The following OR6C74 variants were observed in gnomAD, a reference collection of about 807,000 sequenced individuals.
The protein encoded by OR6C74 is olfactory receptor family 6 subfamily C member 74, also known as olfactory receptor 6C74.
For synonymous variants in OR6C74, 142 were observed against 134.2 expected (o/e 1.06, Z -0.40); for missense variants, 361 against 362.9 (o/e 0.99, Z 0.04).
In OR6C74 at chr12:55,253,610, C is replaced by T. The variant is rs1177227821; in HGVS notation, c.*5384C>T. ...AGGAAAATGTCTCTGACTCCAATTT[C>T]TTCCACTCTTATAAGTAAACACACT... On this transcript the variant is annotated 3_prime_UTR_variant, in exon 2 of 2. Coordinates refer to ENST00000343399, the MANE Select transcript of OR6C74 (RefSeq NM_001005490.2). 6.6e-6 allele frequency among the ~76,000 whole-genome samples: 1 copy of T among 152,094 alleles called. No individual in the cohort carries two copies. The highest frequency in any genetic ancestry group is 1.5e-5 in the Non-Finnish European group (1 of 67,980).
At position 55,253,139 on chromosome 12, in the gene OR6C74, T is replaced by C. The variant is rs1954321885; in HGVS notation, c.*4913T>C. Among the ~76,000 whole-genome samples the C allele has an allele frequency of 6.6e-6, 1 of 152,114 alleles. No individual in the cohort carries two copies. The highest frequency in any genetic ancestry group is 2.4e-5 in the African/African-American group (1 of 41,454). The stretch of plus-strand genomic sequence containing the variant: ...ATTTGCAGGTTGTGCCAATAAATTC[T>C]TGTATTATCTATTAATCCATAAACA... On this transcript the variant is annotated 3_prime_UTR_variant, in exon 2 of 2. Coordinates refer to ENST00000343399, the MANE Select transcript of OR6C74 (RefSeq NM_001005490.2).
At position 55,247,797 on chromosome 12, in the gene OR6C74, C is replaced by T. The variant is rs761698530; in HGVS notation, c.510C>T (p.Asn170=). The change falls in exon 2 of 2, where the codon AAC becomes AAT. Residue 170 remains asparagine, a synonymous_variant. Transcript: ENST00000343399. ...MGLQLDFCAA[N]TVDHFFCDVS... The stretch of plus-strand genomic sequence containing the variant: ...TCCAGCTTGATTTCTGTGCAGCCAA[C>T]ACTGTAGATCATTTCTTCTGTGATG... The T allele has an allele frequency of 6.2e-7, 1 of 1,613,900 alleles. No individual in the cohort carries two copies. Among genetic ancestry groups the T allele is most frequent in the African/African-American group, 1.3e-5 (1 of 74,894 alleles).
At position 55,247,308 on chromosome 12, in the gene OR6C74, A is replaced by T. The variant is rs1262602219; in HGVS notation, c.21A>T (p.Val7=). 1.2e-6 allele frequency: 2 copies of T among 1,602,260 alleles called. No individual in the cohort carries two copies. The highest frequency in any genetic ancestry group is 8.5e-7 in the Non-Finnish European group (1 of 1,171,674). The change falls in exon 2 of 2, where the codon GTA becomes GTT. Residue 7 remains valine (V), a synonymous_variant. Transcript: ENST00000343399. The part of the protein sequence containing the change: MRNHTT[V]ANFILLGLTD... ...CAACTATGAGAAACCATACAACAGTAGCAAACTTTATTCTTCTTGGACTGA... is the reference window on the plus strand; with the variant it reads ...CAACTATGAGAAACCATACAACAGTTGCAAACTTTATTCTTCTTGGACTGA...
rs1355059767 is a variant in OR6C74, at chr12:55,254,584, A to G, written c.*6358A>G. ...TATTTAGGACAGTCATGGGAACTTC[A>G]TGATTTGCTGATTATTGTATAATTC... On this transcript the variant is annotated 3_prime_UTR_variant, in exon 2 of 2. Transcript: ENST00000343399. Among the ~76,000 whole-genome samples the G allele has an allele frequency of 6.6e-6, 1 of 152,152 alleles. No individual in the cohort carries two copies. Among genetic ancestry groups the G allele is most frequent in the African/African-American group, 2.4e-5 (1 of 41,454 alleles).
At chr12:55,246,742 T>C (rs1003646641) in intron 1 of OR6C74, among the ~76,000 whole-genome samples, 1 of 152,152 alleles carries the variant, frequency 6.6e-6, no homozygotes, top group Non-Finnish European at 1.5e-5. Context: ...GGAGAGTTTT[T>C]AGAAGTTTGG....
Position 55,248,242 on chromosome 12 carries a change from T to C in OR6C74, c.*16T>C, listed in dbSNP as rs779594407. 8 of 1,470,008 alleles carry C rather than the reference T, an allele frequency of 5.4e-6. No homozygotes were observed. Among genetic ancestry groups the C allele is most frequent in the Non-Finnish European group, 7.5e-6 (8 of 1,065,550 alleles). The allele number at this position is 1,470,008 out of a possible 1,614,324, so 91.1% of individuals were successfully genotyped here. On this transcript the variant is annotated 3_prime_UTR_variant, in exon 2 of 2. Transcript: ENST00000343399. The stretch of plus-strand genomic sequence containing the variant: ...AATGAAATGAATCACTTTAACGATA[T>C]TATTAAGGTTATTAGTAAAATAAAA...
rs1419437352 is a variant in OR6C74 at position 55,250,191 on chromosome 12, C to G, written c.*1965C>G. Reference sequence around the variant, plus strand: ...TCTTCTCCACAATTTAAGTTGTTGCCAAATGCAAATATGTAACATATTTAT... The same window carrying G: ...TCTTCTCCACAATTTAAGTTGTTGCGAAATGCAAATATGTAACATATTTAT... On this transcript the variant is annotated 3_prime_UTR_variant, in exon 2 of 2. Coordinates refer to ENST00000343399, the MANE Select transcript of OR6C74 (RefSeq NM_001005490.2). Among the ~76,000 whole-genome samples the G allele has an allele frequency of 6.6e-6, 1 of 152,022 alleles. No individual in the cohort carries two copies. The highest frequency in any genetic ancestry group is 2.4e-5 in the African/African-American group (1 of 41,408).
rs746547841 is a variant in OR6C74 at position 55,247,399 on chromosome 12, A to G, written c.112A>G (p.Thr38Ala). Residue 38 changes from threonine to alanine, a missense_variant, in exon 2 of 2, where the codon ACT becomes GCT. Coordinates refer to ENST00000343399, the MANE Select transcript of OR6C74 (RefSeq NM_001005490.2). ...LLFFTYMLSI[T>A]GNLTIITLTL... is the part of the protein sequence containing the mutation. ...TTTTTTCACCTACATGTTGAGCATC[A>G]CTGGGAATCTAACCATCATCACTCT... The G allele has an allele frequency of 3.1e-6, 5 of 1,612,292 alleles. No individual in the cohort carries two copies. Among genetic ancestry groups the G allele is most frequent in the Non-Finnish European group, 4.2e-6 (5 of 1,178,412 alleles).
In OR6C74 at chr12:55,252,766, A is replaced by T. The variant is rs940945157; in HGVS notation, c.*4540A>T. Among the ~76,000 whole-genome samples the T allele has an allele frequency of 6.6e-6, 1 of 152,026 alleles. No individual in the cohort carries two copies. The highest frequency in any genetic ancestry group is 1.5e-5 in the Non-Finnish European group (1 of 67,928). ...TGATGGAGACCTGTTGTCATAGGGA[A>T]GGGAAAACTAGGCTATGTCTACTTA... On this transcript the variant is annotated 3_prime_UTR_variant, in exon 2 of 2. Coordinates refer to ENST00000343399, the MANE Select transcript of OR6C74 (RefSeq NM_001005490.2).
At chr12:55,246,400 C>T (rs1165242475) in intron 1 of OR6C74, among the ~76,000 whole-genome samples, 1 of 152,086 alleles carries the variant, frequency 6.6e-6, no homozygotes, top group Non-Finnish European at 1.5e-5. Flanking sequence ...GTCATCCAGG[C>T]TGGAGTGCAG....
At chr12:55,246,175 T>A (rs1234144927) in intron 1 of OR6C74, among the ~76,000 whole-genome samples, 1 of 152,046 alleles carries the variant, frequency 6.6e-6, no homozygotes, top group African/African-American at 2.4e-5. Flanking sequence ...TGGAAAAAGA[T>A]AGAAAAACAA....
Position 55,248,089 on chromosome 12 carries a change from TTAAA to T in OR6C74, c.807_810del (p.Asn269LysfsTer3), listed in dbSNP as rs916572466. The T allele has an allele frequency of 1.2e-6, 2 of 1,614,092 alleles. No homozygotes were observed. Among genetic ancestry groups the T allele is most frequent in the African/African-American group, 2.7e-5 (2 of 75,034 alleles). On this transcript the variant is annotated frameshift_variant, in exon 2 of 2. Coordinates refer to ENST00000343399, the MANE Select transcript of OR6C74 (RefSeq NM_001005490.2). LOFTEE classifies it low-confidence loss of function (END_TRUNC). The stretch of plus-strand genomic sequence containing the variant: ...ACCCTCAGCAAAAGAAAGAGTGTCA[TTAAA>T]TAAAGGGATAGCTCTGCTCAGCACT...
At position 55,248,901 on chromosome 12, in the gene OR6C74, T is replaced by G. The variant is rs1954294232; in HGVS notation, c.*675T>G. Among the ~76,000 whole-genome samples, 1 of 152,216 alleles carries G rather than the reference T, an allele frequency of 6.6e-6. No individual in the cohort carries two copies. The highest frequency in any genetic ancestry group is 1.5e-5 in the Non-Finnish European group (1 of 68,030). Reference sequence around the variant, plus strand: ...TGTTATTAAATTTATTAGTTCCATCTTCAAAACTCTGTAAGACAGGTATTT... The same window carrying G: ...TGTTATTAAATTTATTAGTTCCATCGTCAAAACTCTGTAAGACAGGTATTT... On this transcript the variant is annotated 3_prime_UTR_variant, in exon 2 of 2. Coordinates refer to ENST00000343399, the MANE Select transcript of OR6C74 (RefSeq NM_001005490.2).
rs1056005574 is a variant in OR6C74, at chr12:55,252,556, A to G, written c.*4330A>G. 2.0e-5 allele frequency among the ~76,000 whole-genome samples: 3 copies of G among 152,104 alleles called. No individual in the cohort carries two copies. The highest frequency in any genetic ancestry group is 2.1e-4 in the South Asian group (1 of 4,826). On this transcript the variant is annotated 3_prime_UTR_variant, in exon 2 of 2. Coordinates refer to ENST00000343399, the MANE Select transcript of OR6C74 (RefSeq NM_001005490.2). The stretch of plus-strand genomic sequence containing the variant: ...TTCTAATGAGTAGATGAGTATTTTT[A>G]TATTTAATGAGTTTAAATAATTTCC...
chr12:55,246,822 C>CA lies in OR6C74; in HGVS notation c.-9-456dup, dbSNP rs558497099. 5.6e-3 allele frequency among the ~76,000 whole-genome samples: 846 copies of CA among 152,138 alleles called. 10 individuals carry two copies. The highest frequency in any genetic ancestry group is 0.019 in the African/African-American group (788 of 41,500). ...TCAACTTTGCTTTGATCTTAAAAGA[C>CA]AGAGTTCTCAGCTGAAATCTGAATT... On this transcript the variant is annotated intron_variant, in intron 1 of 1. Coordinates refer to ENST00000343399, the MANE Select transcript of OR6C74 (RefSeq NM_001005490.2).
At chr12:55,246,160 T>C (rs1276597606) in intron 1 of OR6C74, among the ~76,000 whole-genome samples, 1 of 152,086 alleles carries the variant, frequency 6.6e-6, no homozygotes, top group African/African-American at 2.4e-5. Flanking sequence ...GACCTAAGCA[T>C]GGTCTGGAAA....
rs1327852601 is a variant in OR6C74, at chr12:55,255,428, C to A, written c.*7202C>A. On this transcript the variant is annotated 3_prime_UTR_variant, in exon 2 of 2. Transcript: ENST00000343399. ...GAACTAGAAATACCATTTGACCCAG[C>A]AATCCCATTACTGGGTATATACCCA... is the stretch of plus-strand genomic sequence containing the variant. Among the ~76,000 whole-genome samples the A allele has an allele frequency of 6.6e-6, 1 of 152,124 alleles. No homozygotes were observed. The highest frequency in any genetic ancestry group is 1.5e-5 in the Non-Finnish European group (1 of 68,004).
rs1954295850 is a variant in OR6C74, at chr12:55,249,124, G to A, written c.*898G>A. 6.6e-6 allele frequency among the ~76,000 whole-genome samples: 1 copy of A among 152,096 alleles called. No homozygotes were observed. Among genetic ancestry groups the A allele is most frequent in the Non-Finnish European group, 1.5e-5 (1 of 67,996 alleles). On this transcript the variant is annotated 3_prime_UTR_variant, in exon 2 of 2. Coordinates refer to ENST00000343399, the MANE Select transcript of OR6C74 (RefSeq NM_001005490.2). Reference sequence around the variant, plus strand: ...AATGCAAAAGAACAGTAAGACCTTTGTAGAACATTCTATAGATTTATGGAT... The same window carrying A: ...AATGCAAAAGAACAGTAAGACCTTTATAGAACATTCTATAGATTTATGGAT...
Position 55,254,915 on chromosome 12 carries a change from A to C in OR6C74, c.*6689A>C, listed in dbSNP as rs571093748. 1.3e-4 allele frequency among the ~76,000 whole-genome samples: 20 copies of C among 152,250 alleles called. No individual in the cohort carries two copies. The highest frequency in any genetic ancestry group is 1.2e-3 in the Admixed American group (18 of 15,290). On this transcript the variant is annotated 3_prime_UTR_variant, in exon 2 of 2. Coordinates refer to ENST00000343399, the MANE Select transcript of OR6C74 (RefSeq NM_001005490.2). ...CCCTTCTTAAGGATCTATTTCATGC[A>C]ACCACTTGTAGTACCAAATATATCA...
Sources: gnomAD v4.1 joint callset for allele counts (sites outside exome capture counted in the v4.1 genomes callset) on GRCh38, gnomAD v4.1.1 for gene constraint, MANE v1.5 for transcripts, NCBI Gene and HGNC (gene_info 2026-07-23, HGNC 2026-07-21) for gene names.